CHRM3: variants seen among roughly 807,000 people sequenced by gnomAD.
CHRM3 encodes the protein cholinergic receptor muscarinic 3.
CHRM3 carries 11 observed loss-of-function variants against 41.8 expected under a neutral mutation model. That is an observed-to-expected ratio of 0.26 (90% CI 0.17 to 0.44). CHRM3 has a LOEUF of 0.44. Ranked by LOEUF, CHRM3 falls within the 20% of genes least tolerant of loss-of-function variation. The pLI is 1.00. For synonymous variants in CHRM3, 297 were observed against 301.4 expected, an observed-to-expected ratio of 0.99 and a Z score of 0.15; for missense variants, 571 against 745.4, an observed-to-expected ratio of 0.77 and a Z score of 2.72.
intron 5 of CHRM3, among the ~76,000 whole-genome samples, chr1:239,806,955 T>C (rs1483760446): frequency 6.6e-6 from 1 of 152,200 alleles, no homozygotes; most frequent in Non-Finnish European, 1.5e-5. Flanking sequence ...TTCCATAGGC[T>C]GCACCCAAGC....
intron 4 of CHRM3, among the ~76,000 whole-genome samples, chr1:239,665,166 A>G (rs1161238743): frequency 3.4e-4 from 6 of 17,538 alleles, no homozygotes; most frequent in Non-Finnish European, 4.8e-4. Context: ...TTTTCTCTGA[A>G]AAAAAAAAAA....
chr1:239,907,971 C>T lies in CHRM3; in HGVS notation c.520C>T (p.Leu174Phe). The change falls in exon 7 of 7, where the codon CTC (leucine) becomes TTC (phenylalanine). Residue 174 changes from leucine to phenylalanine, a missense_variant. Physicochemically the swap from Leu to Phe is conservative, Grantham distance 22. Transcript: ENST00000676153. This position sits in a 1 kb window ranked among gnomAD's most constrained non-coding sequence, Gnocchi z 5.4. The stretch of plus-strand genomic sequence containing the variant: ...CAGATACTTTTCCATCACGAGGCCG[C>T]TCACGTACCGAGCCAAACGAACAAC... ...FDRYFSITRPLTYRAKRTTKR... is the reference protein window; with the variant it reads ...FDRYFSITRPFTYRAKRTTKR... 6.2e-7 allele frequency: 1 copy of T among 1,614,178 alleles called. No homozygotes were observed. Among genetic ancestry groups the T allele is most frequent in the Non-Finnish European group, 8.5e-7 (1 of 1,180,034 alleles).
chr1:239,640,149 C>G lies in CHRM3; in HGVS notation c.-250+7863C>G, dbSNP rs376493767. Among the ~76,000 whole-genome samples, 4 of 149,286 alleles carry G rather than the reference C, an allele frequency of 2.7e-5. No individual in the cohort carries two copies. The East Asian group carries it at 6.0e-4, about 23-fold the overall frequency. ...CATGGTGGATAAGCTTTTTGATGTG[C>G]TGCTGGATTCGGTTTGCCAGTATTT... On this transcript the variant is annotated intron_variant, in intron 4 of 6. Coordinates refer to ENST00000676153, the MANE Select transcript of CHRM3 (RefSeq NM_001375978.1).
chr1:239,516,832 C>G (rs931502295), intron 2 of CHRM3, among the ~76,000 whole-genome samples: 3 of 152,276 alleles, frequency 2.0e-5, no homozygotes, highest in Admixed American at 6.5e-5. Context: ...GTCAGATCAA[C>G]GGTGGCATTA....
chr1:239,432,950 T>A (rs1173421686), intron 1 of CHRM3, among the ~76,000 whole-genome samples: 3 of 152,210 alleles, frequency 2.0e-5, no homozygotes, highest in Non-Finnish European at 4.4e-5. Context: ...ATTTTTACTC[T>A]CTGAGATAAC....
chr1:239,456,103 G>T (rs1180814064), intron 1 of CHRM3, among the ~76,000 whole-genome samples: 1 of 152,156 alleles, frequency 6.6e-6, no homozygotes, highest in Non-Finnish European at 1.5e-5. Flanking sequence ...CCGTGATCCT[G>T]GTGAGTTTCA....
chr1:239,550,603 T>C (rs1659720642), intron 3 of CHRM3, among the ~76,000 whole-genome samples: 1 of 152,206 alleles, frequency 6.6e-6, no homozygotes, highest in Admixed American at 6.5e-5. Flanking sequence ...TTAATATAAA[T>C]CTGTAAAAAG....
At chr1:239,855,475 C>T (rs1345344876) in intron 6 of CHRM3, among the ~76,000 whole-genome samples, 1 of 152,120 alleles carries the variant, frequency 6.6e-6, no homozygotes, top group African/African-American at 2.4e-5. Context: ...AGGCAAACTA[C>T]AACTGAGATG....
chr1:239,480,244 G>T (rs10436926), intron 1 of CHRM3, among the ~76,000 whole-genome samples: 1 of 152,086 alleles, frequency 6.6e-6, no homozygotes, highest in African/African-American at 2.4e-5. Flanking sequence ...TACACCAGAT[G>T]AAAAGCTCCT....
intron 5 of CHRM3, among the ~76,000 whole-genome samples, chr1:239,690,510 T>C (rs1558458102): frequency 6.6e-6 from 1 of 152,060 alleles, no homozygotes; most frequent in Admixed American, 6.6e-5. Context: ...ATTACAGGTG[T>C]AAGCCACTGC....
chr1:239,670,012 C>T (rs567969089), intron 4 of CHRM3, among the ~76,000 whole-genome samples: 32 of 152,162 alleles, frequency 2.1e-4, no homozygotes, highest in African/African-American at 4.6e-4. Context: ...TCTTGAAATA[C>T]GAGATTTTAA....
chr1:239,406,108 T>A lies in CHRM3; in HGVS notation c.-521+18881T>A, dbSNP rs567682358. ...GGTTTCACCATGTTGGCCAGGCTGA[T>A]CTCGAACTCCTGACCTCATGATCTA... On this transcript the variant is annotated intron_variant, in intron 1 of 6. Transcript: ENST00000676153. Among the ~76,000 whole-genome samples, 3 of 152,300 alleles carry A rather than the reference T, an allele frequency of 2.0e-5. No individual in the cohort carries two copies. In the East Asian group the frequency reaches 5.8e-4, roughly 29 times the overall value.
At chr1:239,686,059 C>T (rs907250517) in intron 5 of CHRM3, among the ~76,000 whole-genome samples, 3 of 149,792 alleles carry the variant, frequency 2.0e-5, no homozygotes, top group South Asian at 2.1e-4. Flanking sequence ...GTTGCCTTCT[C>T]ATCTCAACTG....
chr1:239,388,979 A>G (rs568801138), intron 1 of CHRM3, among the ~76,000 whole-genome samples: 289 of 152,342 alleles, frequency 1.9e-3, no homozygotes, highest in Middle Eastern at 3.4e-3. Context: ...AAAAATAATG[A>G]CATTGCCGGT....
chr1:239,676,340 A>G (rs925453794), intron 4 of CHRM3, among the ~76,000 whole-genome samples: 1 of 147,956 alleles, frequency 6.8e-6, no homozygotes, highest in East Asian at 2.0e-4. Context: ...GTAGCCTGCC[A>G]TGCCTGCCAT....
chr1:239,531,433 G>T (rs1670394240), intron 2 of CHRM3, among the ~76,000 whole-genome samples: 1 of 151,954 alleles, frequency 6.6e-6, no homozygotes, highest in Admixed American at 6.5e-5. Context: ...AGTTTTATGA[G>T]CACCAATGAT....
chr1:239,532,622 CAA>C (rs56408389), intron 2 of CHRM3, among the ~76,000 whole-genome samples: 155 of 114,756 alleles, frequency 1.4e-3, no homozygotes, highest in African/African-American at 1.3e-3. Flanking sequence ...GACTGCCTCT[CAA>C]AAAAAAAAAA....
intron 3 of CHRM3, among the ~76,000 whole-genome samples, chr1:239,572,862 A>C (rs2148544134): frequency 6.6e-6 from 1 of 152,364 alleles, no homozygotes. Flanking sequence ...TTCAGAGCAA[A>C]GAGAGAACTT....
At chr1:239,543,209 G>T (rs771668154) in intron 2 of CHRM3, among the ~76,000 whole-genome samples, 1 of 152,148 alleles carries the variant, frequency 6.6e-6, no homozygotes, top group Non-Finnish European at 1.5e-5. Flanking sequence ...ACACTATCCC[G>T]GTGGCCATCT....
Sources: gnomAD v4.1 joint callset for allele counts (sites outside exome capture counted in the v4.1 genomes callset) on GRCh38, gnomAD v4.1.1 for gene constraint, Gnocchi (gnomAD v3.1) non-coding constraint, MANE v1.5 for transcripts, NCBI Gene and HGNC (gene_info 2026-07-23, HGNC 2026-07-21) for gene names.